Variants in SYT16 observed in about 807,000 individuals in gnomAD.
SYT16 encodes synaptotagmin 16, also known as synaptotagmin-16.
A neutral mutation model predicts 61.4 loss-of-function variants in SYT16; 42 were observed. The ratio of observed to expected loss-of-function variants is 0.68; its 90% CI spans 0.53 to 0.89. The LOEUF is 0.89. SYT16 is among the 40% of genes least tolerant of loss of function. The pLI, the probability that SYT16 is intolerant of heterozygous loss-of-function variation, is 0.00. For missense variants in SYT16, 804 were observed against 807.3 expected, an observed-to-expected ratio of 1.00 and a Z score of 0.05; for synonymous variants, 314 against 302.3, an observed-to-expected ratio of 1.04 and a Z score of -0.40.
intron 1 of SYT16, among the ~76,000 whole-genome samples, chr14:61,880,608 G>A (rs922195688): frequency 6.6e-6 from 1 of 151,902 alleles, no homozygotes; most frequent in South Asian, 2.1e-4. Context: ...CACATATATT[G>A]CTCTATTTAG....
At chr14:61,999,091 A>G (rs1352377523) in intron 3 of SYT16, among the ~76,000 whole-genome samples, 2 of 151,256 alleles carry the variant, frequency 1.3e-5, no homozygotes, top group African/African-American at 4.9e-5. Context: ...TTTTAGGGAT[A>G]TTGGTCTGTA....
chr14:61,891,322 T>C (rs1298424052), intron 1 of SYT16, among the ~76,000 whole-genome samples: 1 of 152,124 alleles, frequency 6.6e-6, no homozygotes, highest in South Asian at 2.1e-4. Flanking sequence ...TTCACCTGTT[T>C]TTTTTTTCCC....
intron 1 of SYT16, among the ~76,000 whole-genome samples, chr14:61,855,947 T>G (rs2046761183): frequency 6.6e-6 from 1 of 152,250 alleles, no homozygotes; most frequent in Admixed American, 6.5e-5. Context: ...AATTAACATG[T>G]GAATTTTATA....
rs186255335 is a variant in SYT16, at chr14:61,901,063, C to T, written c.-324-69069C>T. Among the ~76,000 whole-genome samples, 7 of 152,330 alleles carry T rather than the reference C, an allele frequency of 4.6e-5. No homozygotes were observed. The East Asian group carries it at 1.3e-3, about 29-fold the overall frequency. On this transcript the variant is annotated intron_variant, in intron 1 of 7. Transcript: ENST00000683842. ...GCCTTCCAATTTCCCTTCTGACTTA[C>T]TTGTGATACCTCCTCCTCGTGATTC...
chr14:62,096,916 G>T (rs2141014658), intron 7 of SYT16, among the ~76,000 whole-genome samples: 1 of 152,082 alleles, frequency 6.6e-6, no homozygotes, highest in South Asian at 2.1e-4. Context: ...GTTTAAAATT[G>T]TTTATACATA....
At chr14:61,956,639 T>C (rs913855469) in intron 1 of SYT16, among the ~76,000 whole-genome samples, 1 of 151,994 alleles carries the variant, frequency 6.6e-6, no homozygotes, top group African/African-American at 2.4e-5. Context: ...ACTGGGCTCT[T>C]TATTCTGCTC....
At chr14:61,918,213 TTTG>T (rs1201407813) in intron 1 of SYT16, among the ~76,000 whole-genome samples, 1 of 152,216 alleles carries the variant, frequency 6.6e-6, no homozygotes, top group African/African-American at 2.4e-5. Flanking sequence ...GAAGGTCAAG[TTTG>T]TTGTTCTGTT....
At chr14:61,826,139 G>A (rs2045765115) in intron 1 of SYT16, among the ~76,000 whole-genome samples, 1 of 150,254 alleles carries the variant, frequency 6.7e-6, no homozygotes, top group African/African-American at 2.5e-5. Flanking sequence ...GCTGGGGCCT[G>A]TCCTGGCAGC....
chr14:62,104,334 CCTTTTA>C lies in SYT16; in HGVS notation c.*3633_*3638del, dbSNP rs2057476572. On this transcript the variant is annotated 3_prime_UTR_variant, in exon 8 of 8. Transcript: ENST00000683842. ...GGACTAGAACACGCATGTGGTATCT[CCTTTTA>C]CTTTTGAGGAAACTGTGGTTAAAGA... is the stretch of plus-strand genomic sequence containing the variant. 1 of 151,952 alleles carries C rather than the reference CCTTTTA, an allele frequency of 6.6e-6. No homozygotes were observed. The highest frequency in any genetic ancestry group is 1.9e-4 in the East Asian group (1 of 5,196). The allele number at this position is 151,952 out of a possible 1,614,324, so 9.4% of individuals were successfully genotyped here.
Position 61,996,189 on chromosome 14 carries a change from T to C in SYT16, c.170T>C (p.Leu57Ser). 2 of 1,613,454 alleles carry C rather than the reference T, an allele frequency of 1.2e-6. No homozygotes were observed. Among genetic ancestry groups the C allele is most frequent in the Non-Finnish European group, 1.7e-6 (2 of 1,179,596 alleles). Residue 57 changes from leucine (L) to serine (S), a missense_variant, in exon 3 of 8, where the codon TTA (leucine) becomes TCA (serine). Coordinates refer to ENST00000683842, the MANE Select transcript of SYT16 (RefSeq NM_001367656.1). Reference sequence around the variant, plus strand: ...TTGAGTGACAAACTAGATCAGGACTTAGATAATATTCAGATTCAGGAAACG... The same window carrying C: ...TTGAGTGACAAACTAGATCAGGACTCAGATAATATTCAGATTCAGGAAACG... ...SKLSDKLDQD[L>S]DNIQIQETYF...
rs1470050145 is a variant in SYT16, at chr14:62,111,439, C to T, written c.*10732C>T. ...ATTGTAAACATGTACTTTTTCTATT[C>T]TATGCTTACTTTAATACATTATTTA... On this transcript the variant is annotated 3_prime_UTR_variant, in exon 8 of 8. Coordinates refer to ENST00000683842, the MANE Select transcript of SYT16 (RefSeq NM_001367656.1). 1 of 151,892 alleles carries T rather than the reference C, an allele frequency of 6.6e-6. No individual in the cohort carries two copies. Among genetic ancestry groups the T allele is most frequent in the African/African-American group, 2.4e-5 (1 of 41,284 alleles). 9.4% of individuals were successfully genotyped at this position (151,892 alleles called of 1,614,324 possible). A position where few individuals can be genotyped will look rare whatever the true frequency, so the allele number is the denominator to read the frequency against.
At chr14:61,902,820 A>G (rs1362791820) in intron 1 of SYT16, among the ~76,000 whole-genome samples, 1 of 152,226 alleles carries the variant, frequency 6.6e-6, no homozygotes, top group East Asian at 1.9e-4. Flanking sequence ...ATGAGAGCCA[A>G]GTGCAATTGG....
At chr14:61,931,849 C>T (rs1477199585) in intron 1 of SYT16, among the ~76,000 whole-genome samples, 5 of 152,140 alleles carry the variant, frequency 3.3e-5, no homozygotes, top group Admixed American at 6.5e-5. Context: ...GTGCTGCACC[C>T]ATTAGAATAA....
At chr14:61,886,150 G>C (rs1308368997) in intron 1 of SYT16, among the ~76,000 whole-genome samples, 2 of 152,076 alleles carry the variant, frequency 1.3e-5, no homozygotes, top group Non-Finnish European at 2.9e-5. Context: ...ATTTTTAGTA[G>C]AGATGGAGTT....
At chr14:61,919,004 T>G (rs2049228261) in intron 1 of SYT16, among the ~76,000 whole-genome samples, 2 of 152,164 alleles carry the variant, frequency 1.3e-5, no homozygotes, top group Admixed American at 1.3e-4. Context: ...AAGAGACAGG[T>G]CCTGGGGTGC....
In SYT16 at chr14:62,105,265, T is replaced by C. The variant is rs1302095663; in HGVS notation, c.*4558T>C. 6.6e-6 allele frequency: 1 copy of C among 152,222 alleles called. No individual in the cohort carries two copies. The highest frequency in any genetic ancestry group is 1.9e-4 in the East Asian group (1 of 5,198). The allele number at this position is 152,222 out of a possible 1,614,324, so 9.4% of individuals were successfully genotyped here. A position where few individuals can be genotyped will look rare whatever the true frequency, so the allele number is the denominator to read the frequency against. On this transcript the variant is annotated 3_prime_UTR_variant, in exon 8 of 8. Coordinates refer to ENST00000683842, the MANE Select transcript of SYT16 (RefSeq NM_001367656.1). ...CCTCTCCTTGTCTCCAGTTCTCTTA[T>C]TCATAAATGGACAAGGCATCTTGTC...
intron 2 of SYT16, among the ~76,000 whole-genome samples, chr14:61,981,032 G>A (rs2052051629): frequency 6.6e-6 from 1 of 152,102 alleles, no homozygotes; most frequent in African/African-American, 2.4e-5. Flanking sequence ...AAGCTGGCAA[G>A]TGTTAAATCT....
intron 1 of SYT16, among the ~76,000 whole-genome samples, chr14:61,823,100 C>A (rs749621307): frequency 7.9e-5 from 12 of 152,104 alleles, no homozygotes; most frequent in Non-Finnish European, 1.8e-4. Flanking sequence ...TCAAGTGATT[C>A]TCCTGCCTCA....
intron 1 of SYT16, among the ~76,000 whole-genome samples, chr14:61,911,113 A>G (rs1045826416): frequency 2.0e-5 from 3 of 152,186 alleles, no homozygotes; most frequent in Non-Finnish European, 4.4e-5. Context: ...TTTTATGACT[A>G]AAATTTGTAA....
Sources: gnomAD v4.1 joint callset for allele counts (sites outside exome capture counted in the v4.1 genomes callset) on GRCh38, gnomAD v4.1.1 for gene constraint, MANE v1.5 for transcripts, NCBI Gene and HGNC (gene_info 2026-07-23, HGNC 2026-07-21) for gene names.